Variants in SQSTM1 observed in about 807,000 individuals in gnomAD.
The protein encoded by SQSTM1 is sequestosome-1.
A neutral mutation model predicts 45.1 loss-of-function variants in SQSTM1; 36 were observed. The ratio of observed to expected loss-of-function variants is 0.80; its 90% confidence interval spans 0.61 to 1.05. SQSTM1 has a LOEUF of 1.05. Among genes scored for constraint, SQSTM1 ranks in the 50% least tolerant of loss-of-function variants. SQSTM1 has a pLI of 0.00. For synonymous variants in SQSTM1, 290 were observed against 244.3 expected, an observed-to-expected ratio of 1.19 and a Z score of -1.74; for missense variants, 617 against 607.1, an observed-to-expected ratio of 1.02 and a Z score of -0.17.
In SQSTM1 at chr5:179,823,035, T is replaced by A; in HGVS notation, c.283T>A (p.Phe95Ile). ...CATGTCCTACGTGAAGGATGACATC[T>A]TCCGAATCTACATTAAAGGTAAGGG... is the stretch of plus-strand genomic sequence containing the variant. The part of the protein sequence containing the change: ...MAMSYVKDDI[F>I]RIYIKEKKEC... Residue 95 changes from phenylalanine to isoleucine, a missense_variant, in exon 2 of 8, where the codon TTC (phenylalanine) becomes ATC (isoleucine). Transcript: ENST00000389805. 1 of 1,614,108 alleles carries A rather than the reference T, an allele frequency of 6.2e-7. No individual in the cohort carries two copies. Among genetic ancestry groups the A allele is most frequent in the Non-Finnish European group, 8.5e-7 (1 of 1,179,988 alleles).
intron 1 of SQSTM1, among the ~76,000 whole-genome samples, chr5:179,808,786 C>G (rs562822094): frequency 6.6e-6 from 1 of 152,138 alleles, no homozygotes; most frequent in East Asian, 1.9e-4. Context: ...CACCTCATCT[C>G]ATTAAAAATT....
Position 179,806,534 on chromosome 5 carries a change from C to A in SQSTM1, c.-214C>A, listed in dbSNP as rs1757167741. On this transcript the variant is annotated 5_prime_UTR_variant, in exon 1 of 6. Transcript: ENST00000514093. This position sits in a 1 kb window ranked among gnomAD's most constrained non-coding sequence, Gnocchi z 4.6. ...GTACCAGGACAGCGAGAGGAAGGCGCACAGGCAGAAGAGCAGCAGCGTCAG... is the reference window on the plus strand; with the variant it reads ...GTACCAGGACAGCGAGAGGAAGGCGAACAGGCAGAAGAGCAGCAGCGTCAG... 2.2e-6 allele frequency: 3 copies of A among 1,338,892 alleles called. No individual in the cohort carries two copies. Among genetic ancestry groups the A allele is most frequent in the South Asian group, 2.8e-5 (2 of 71,118 alleles). The allele number at this position is 1,338,892 out of a possible 1,614,324, so 82.9% of individuals were successfully genotyped here.
intron 5 of SQSTM1, among the ~76,000 whole-genome samples, chr5:179,831,592 G>A (rs1406671903): frequency 6.6e-6 from 1 of 152,092 alleles, no homozygotes; most frequent in Non-Finnish European, 1.5e-5. Context: ...AACCTGGTGG[G>A]CAGAGGCTGC....
intron 7 of SQSTM1, 127 bp from the exon 8 acceptor site, chr5:179,836,309 G>A (rs1201833117): frequency 1.2e-5 from 16 of 1,289,594 alleles, no homozygotes; most frequent in African/African-American, 5.8e-5. Flanking sequence ...CTGTGAGGAC[G>A]AGAGCTCTGG....
chr5:179,815,342 G>A (rs1217525840), upstream of SQSTM1, among the ~76,000 whole-genome samples: 2 of 151,998 alleles, frequency 1.3e-5, no homozygotes, highest in Admixed American at 6.6e-5. Context: ...GCTTGAATCC[G>A]AGAGGTGGAG....
In SQSTM1 at chr5:179,823,017, T is replaced by G; in HGVS notation, c.265T>G (p.Tyr89Asp). ...SDEELTMAMS[Y>D]VKDDIFRIYI... ...CGAGGAATTGACAATGGCCATGTCC[T>G]ACGTGAAGGATGACATCTTCCGAAT... Residue 89 changes from tyrosine (Y) to aspartate (D), a missense_variant, in exon 2 of 8, where the codon TAC (tyrosine) becomes GAC (aspartate). Coordinates refer to ENST00000389805, the MANE Select transcript of SQSTM1 (RefSeq NM_003900.5). The G allele has an allele frequency of 6.2e-7, 1 of 1,614,140 alleles. No individual in the cohort carries two copies. The highest frequency in any genetic ancestry group is 8.5e-7 in the Non-Finnish European group (1 of 1,180,008).
At chr5:179,827,530 C>T (rs1332197232) in intron 5 of SQSTM1, among the ~76,000 whole-genome samples, 2 of 152,076 alleles carry the variant, frequency 1.3e-5, no homozygotes, top group African/African-American at 4.8e-5. Context: ...GTGATCCACC[C>T]GCCTCAGCCT....
chr5:179,829,626 G>C (rs902929406), intron 5 of SQSTM1, among the ~76,000 whole-genome samples: 2 of 152,104 alleles, frequency 1.3e-5, no homozygotes, highest in Non-Finnish European at 2.9e-5. Context: ...AACTTCAAAA[G>C]AAGGCTTAGA....
chr5:179,822,816 C>T (rs1757832744), intron 1 of SQSTM1, 142 bp from the exon 2 acceptor site: 1 of 757,794 alleles, frequency 1.3e-6, no homozygotes, highest in Non-Finnish European at 2.3e-6. Flanking sequence ...TTGCCTCTCA[C>T]TCCTGCCCTC....
At chr5:179,827,500 G>T (rs571569789) in intron 5 of SQSTM1, among the ~76,000 whole-genome samples, 7 of 152,152 alleles carry the variant, frequency 4.6e-5, no homozygotes, top group African/African-American at 1.7e-4. Flanking sequence ...TGGCCAGGAT[G>T]GTCTCGATAT....
chr5:179,821,180 C>T, intron 1 of SQSTM1, 39 bp downstream of exon 1: 1 of 1,321,008 alleles, frequency 7.6e-7, no homozygotes, highest in Non-Finnish European at 9.6e-7. Context: ...GTGACGCAGG[C>T]CGGACACGGC....
chr5:179,823,846 C>T lies in SQSTM1; in HGVS notation c.302-12C>T, dbSNP rs1582007544. 1.2e-6 allele frequency: 2 copies of T among 1,610,056 alleles called. No homozygotes were observed. The highest frequency in any genetic ancestry group is 1.1e-5 in the South Asian group (1 of 91,020). The stretch of plus-strand genomic sequence containing the variant: ...GGTCCCACCCTAGCGGCTCTCTTTA[C>T]CCTTCCTGTAGAGAAAAAAGAGTGC... On this transcript the variant is annotated splice_polypyrimidine_tract_variant and intron_variant, in intron 2 of 7. Coordinates refer to ENST00000389805, the MANE Select transcript of SQSTM1 (RefSeq NM_003900.5).
chr5:179,818,605 G>T (rs1035834279), upstream of SQSTM1, among the ~76,000 whole-genome samples: 2 of 152,160 alleles, frequency 1.3e-5, no homozygotes, highest in Admixed American at 6.5e-5. Flanking sequence ...ACCACTGGGC[G>T]CTTGGCTCAG....
upstream of SQSTM1, among the ~76,000 whole-genome samples, chr5:179,816,559 C>T (rs1468944996): frequency 2.0e-5 from 3 of 152,218 alleles, no homozygotes; most frequent in Non-Finnish European, 2.9e-5. Flanking sequence ...TCAGTATAGA[C>T]GGGGTACTCC....
chr5:179,836,705 C>G lies in SQSTM1; in HGVS notation c.*112C>G. 6.5e-7 allele frequency: 1 copy of G among 1,547,206 alleles called. No homozygotes were observed. The highest frequency in any genetic ancestry group is 1.4e-5 in the African/African-American group (1 of 73,676). On this transcript the variant is annotated 3_prime_UTR_variant, in exon 8 of 8. Coordinates refer to ENST00000389805, the MANE Select transcript of SQSTM1 (RefSeq NM_003900.5). Reference sequence around the variant, plus strand: ...CAGTTTCTCTGCCTTCTTCCAGGATCAGGGGTTAGGGTGCAAGAAGCCATT... The same window carrying G: ...CAGTTTCTCTGCCTTCTTCCAGGATGAGGGGTTAGGGTGCAAGAAGCCATT...
upstream of SQSTM1, among the ~76,000 whole-genome samples, chr5:179,818,579 C>G (rs951459974): frequency 6.6e-6 from 1 of 152,168 alleles, no homozygotes; most frequent in African/African-American, 2.4e-5. Context: ...GTGGCTGCCC[C>G]GGCTGGTCTC....
chr5:179,833,008 T>C (rs1758307796), intron 5 of SQSTM1, 24 bp from the exon 6 acceptor site: 1 of 1,613,702 alleles, frequency 6.2e-7, no homozygotes, highest in Non-Finnish European at 8.5e-7. Context: ...CTTCACGGCT[T>C]GCTCTTTCCT....
chr5:179,831,931 T>C (rs1002091566), intron 5 of SQSTM1, among the ~76,000 whole-genome samples: 8 of 151,968 alleles, frequency 5.3e-5, no homozygotes, highest in South Asian at 2.1e-4. Context: ...CTACAGGCGA[T>C]TGCCACCACG....
At chr5:179,821,338 C>T (rs1757767240) in intron 1 of SQSTM1, among the ~76,000 whole-genome samples, 197 bp downstream of exon 1, 1 of 152,226 alleles carries the variant, frequency 6.6e-6, no homozygotes, top group Non-Finnish European at 1.5e-5. Flanking sequence ...GGAGTGGTGA[C>T]CAAGGCCGGG....
Sources: gnomAD v4.1 joint callset for allele counts (sites outside exome capture counted in the v4.1 genomes callset) on GRCh38, gnomAD v4.1.1 for gene constraint, Gnocchi (gnomAD v3.1) non-coding constraint, MANE v1.5 for transcripts, NCBI Gene and HGNC (gene_info 2026-07-23, HGNC 2026-07-21) for gene names.